The following RPS6KA1 variants were observed in gnomAD, a reference collection of about 807,000 sequenced individuals.
The protein encoded by RPS6KA1 is ribosomal protein S6 kinase A1, also known as ribosomal protein S6 kinase alpha-1.
In RPS6KA1, 48 loss-of-function variants were observed where a neutral mutation model predicts 91.3. The ratio of observed to expected loss-of-function variants is 0.53; its 90% CI spans 0.42 to 0.67. The LOEUF (loss-of-function observed/expected upper bound fraction) is 0.67. RPS6KA1 is among the 30% of genes least tolerant of loss of function. The pLI is 0.00. For synonymous variants in RPS6KA1, 359 were observed against 384.7 expected (o/e 0.93, Z 0.78); for missense variants, 719 against 960.5 (o/e 0.75, Z 3.32).
At position 26,547,122 on chromosome 1, in the gene RPS6KA1, A is replaced by C. The variant is rs545693845; in HGVS notation, c.226-67A>C. 9.4e-5 allele frequency: 148 copies of C among 1,572,850 alleles called. No individual in the cohort carries two copies. Among genetic ancestry groups the C allele is most frequent in the Admixed American group, 4.0e-4 (24 of 59,932 alleles). On this transcript the variant is annotated intron_variant, in intron 3 of 21. Transcript: ENST00000374168. The surrounding 1 kb of genome is among the most constrained non-coding windows in gnomAD (Gnocchi z 4.1). ...AAAAGGTCAGCTTGGGGCTCAGAGA[A>C]GATAGAGGTCAGCCTGGACTCAGAC...
At chr1:26,557,138 A>T (rs777694820) in intron 13 of RPS6KA1, 38 bp downstream of exon 13, 6 of 1,545,730 alleles carry the variant, frequency 3.9e-6, no homozygotes, top group Non-Finnish European at 5.4e-6. Context: ...TTGGGCTGGT[A>T]CAGGAGGGAA....
At chr1:26,557,131 G>T in intron 13 of RPS6KA1, 31 bp downstream of exon 13, 2 of 1,573,714 alleles carry the variant, frequency 1.3e-6, no homozygotes, top group Non-Finnish European at 1.7e-6. Flanking sequence ...GTCTGTCTTG[G>T]GCTGGTACAG....
chr1:26,562,890 G>A (rs532586721), intron 17 of RPS6KA1, among the ~76,000 whole-genome samples: 35 of 137,592 alleles, frequency 2.5e-4, no homozygotes, highest in African/African-American at 8.7e-4. Flanking sequence ...AGGCTGGAGT[G>A]CAGTGGCACG....
At chr1:26,531,039 C>G in intron 1 of RPS6KA1, 2 of 508,760 alleles carry the variant, frequency 3.9e-6, no homozygotes, top group Non-Finnish European at 5.5e-6. Context: ...TCTGCCCTCT[C>G]TTACCTAGGG....
intron 15 of RPS6KA1, 94 bp from the exon 16 acceptor site, chr1:26,560,951 G>A: frequency 1.9e-6 from 3 of 1,602,768 alleles, no homozygotes; most frequent in Non-Finnish European, 2.6e-6. Context: ...ATGTATGAAA[G>A]GTGTGTGGCC....
chr1:26,532,109 T>A (rs1345700097), intron 1 of RPS6KA1, among the ~76,000 whole-genome samples: 2 of 152,152 alleles, frequency 1.3e-5, no homozygotes, highest in Non-Finnish European at 2.9e-5. Context: ...CCTCCCTTAA[T>A]GCTGCTGAAA....
At chr1:26,548,799 C>T (rs1267075037) in intron 4 of RPS6KA1, among the ~76,000 whole-genome samples, 1 of 139,710 alleles carries the variant, frequency 7.2e-6, no homozygotes, top group Admixed American at 7.3e-5. Context: ...AACTCCATCT[C>T]AGAAAAAAAA....
intron 17 of RPS6KA1, among the ~76,000 whole-genome samples, chr1:26,562,202 TAATA>T (rs998033782): frequency 1.3e-5 from 2 of 152,290 alleles, no homozygotes; most frequent in East Asian, 1.9e-4. Context: ...AAACTCCATC[TAATA>T]AATAAATACA....
At chr1:26,537,350 AGTGAGCATCTGGGCAC>A (rs1464786128) in intron 2 of RPS6KA1, among the ~76,000 whole-genome samples, 1 of 152,214 alleles carries the variant, frequency 6.6e-6, no homozygotes, top group Non-Finnish European at 1.5e-5. Context: ...AGAGCCTGGA[AGTGAGCATCTGGGCAC>A]GTGAGCTGGA....
chr1:26,545,845 G>GCCC, intron 2 of RPS6KA1: 1 of 1,498,392 alleles, frequency 6.7e-7, no homozygotes, highest in South Asian at 1.3e-5. Flanking sequence ...GGCCACCACT[G>GCCC]CGGCAGCCCC....
Position 26,560,904 on chromosome 1 carries a change from C to T in RPS6KA1, c.1341+53C>T, listed in dbSNP as rs1337269820. On this transcript the variant is annotated intron_variant, in intron 15 of 21. Transcript: ENST00000374168. ...AGGCTGCTGGGTTGGGGGCAGGTCC[C>T]CGTCTGGTGGGGAGGGATGGTGCCT... 16 of 1,612,776 alleles carry T rather than the reference C, an allele frequency of 9.9e-6. No homozygotes were observed. The African/African-American group carries it at 2.1e-4, about 22-fold the overall frequency.
intron 17 of RPS6KA1, among the ~76,000 whole-genome samples, chr1:26,570,197 T>A (rs1570464428): frequency 1.3e-5 from 2 of 152,170 alleles, no homozygotes; most frequent in East Asian, 3.9e-4. Context: ...TGAATGGAAC[T>A]GTACAGGCCA....
At chr1:26,563,781 A>G (rs907671042) in intron 17 of RPS6KA1, among the ~76,000 whole-genome samples, 8 of 152,152 alleles carry the variant, frequency 5.3e-5, no homozygotes, top group African/African-American at 1.9e-4. Context: ...TTGCTCTAAC[A>G]TCATTATTAG....
rs1036646279 is a variant in RPS6KA1, at chr1:26,540,260, T to C, written c.108+3291T>C. ...TGGAGCATATTGTTCTAACCTTCAT[T>C]TTACAGAGGAGGAAACCGAGGTTCA... On this transcript the variant is annotated intron_variant, in intron 2 of 21. Transcript: ENST00000374168. This position sits in a 1 kb window ranked among gnomAD's most constrained non-coding sequence, Gnocchi z 4.2. Among the ~76,000 whole-genome samples the C allele has an allele frequency of 6.6e-6, 1 of 152,108 alleles. No individual in the cohort carries two copies. Among genetic ancestry groups the C allele is most frequent in the Admixed American group, 6.5e-5 (1 of 15,272 alleles).
rs146065789 is a variant in RPS6KA1, at chr1:26,547,982, A to C, written c.307+712A>C. Among the ~76,000 whole-genome samples, 366 of 152,254 alleles carry C rather than the reference A, an allele frequency of 2.4e-3. 1 individual carries two copies. The highest frequency in any genetic ancestry group is 7.9e-3 in the African/African-American group (329 of 41,542). The stretch of plus-strand genomic sequence containing the variant: ...GTCAGGAGTTCAAGACCTGACCAAC[A>C]TGTTGAAACCCCGTCTCTACTAAAA... On this transcript the variant is annotated intron_variant, in intron 4 of 21. Coordinates refer to ENST00000374168, the MANE Select transcript of RPS6KA1 (RefSeq NM_002953.4). This position sits in a 1 kb window ranked among gnomAD's most constrained non-coding sequence, Gnocchi z 4.1.
chr1:26,574,041 C>T lies in RPS6KA1; in HGVS notation c.2086-38C>T. The T allele has an allele frequency of 2.5e-6, 4 of 1,601,746 alleles. No individual in the cohort carries two copies. The highest frequency in any genetic ancestry group is 3.4e-6 in the Non-Finnish European group (4 of 1,170,460). On this transcript the variant is annotated intron_variant, in intron 21 of 21. Transcript: ENST00000374168. The surrounding 1 kb of genome is among the most constrained non-coding windows in gnomAD (Gnocchi z 4.3). ...CATGGATCCCCTCCCCGCTACATCT[C>T]CCACCATTGTGACCTGACCTCCCCA...
At chr1:26,548,068 C>G (rs920117896) in intron 4 of RPS6KA1, among the ~76,000 whole-genome samples, 1 of 151,856 alleles carries the variant, frequency 6.6e-6, no homozygotes, top group Non-Finnish European at 1.5e-5. Flanking sequence ...GAGCCAAATC[C>G]TAGCTGGGGA....
rs1047185870 is a variant in RPS6KA1 at position 26,551,003 on chromosome 1, C to T, written c.308-394C>T. ...GGGAATTTTTATGCCAGATGGAAAGCAGAGCTGGTGAAGGCATGCCAGGGG... is the reference window on the plus strand; with the variant it reads ...GGGAATTTTTATGCCAGATGGAAAGTAGAGCTGGTGAAGGCATGCCAGGGG... On this transcript the variant is annotated intron_variant, in intron 4 of 21. Transcript: ENST00000374168. This position sits in a 1 kb window ranked among gnomAD's most constrained non-coding sequence, Gnocchi z 4.5. 6.6e-6 allele frequency among the ~76,000 whole-genome samples: 1 copy of T among 152,124 alleles called. No homozygotes were observed. Among genetic ancestry groups the T allele is most frequent in the African/African-American group, 2.4e-5 (1 of 41,422 alleles).
Position 26,574,749 on chromosome 1 carries a change from C to T in RPS6KA1, c.*548C>T. ...CTGGGAGTTCTAGAACCACTTCCTG[C>T]TACAGGAGGGGTCTCATGTCCTGCT... On this transcript the variant is annotated 3_prime_UTR_variant, in exon 22 of 22. Coordinates refer to ENST00000374168, the MANE Select transcript of RPS6KA1 (RefSeq NM_002953.4). The surrounding 1 kb of genome is among the most constrained non-coding windows in gnomAD (Gnocchi z 4.3). 1 of 285,644 alleles carries T rather than the reference C, an allele frequency of 3.5e-6. No homozygotes were observed. The highest frequency in any genetic ancestry group is 7.0e-6 in the Non-Finnish European group (1 of 143,522). 17.7% of individuals were successfully genotyped at this position (285,644 alleles called of 1,614,324 possible). A position where few individuals can be genotyped will look rare whatever the true frequency, so the allele number is the denominator to read the frequency against.
Sources: allele counts gnomAD v4.1 joint callset (sites outside exome capture counted in the v4.1 genomes callset), GRCh38; gene constraint gnomAD v4.1.1; non-coding constraint Gnocchi (gnomAD v3.1); transcripts MANE v1.5; gene names NCBI Gene and HGNC (gene_info 2026-07-23, HGNC 2026-07-21).